The following VEPH1 variants were observed in gnomAD, a reference collection of about 807,000 sequenced individuals.
VEPH1 encodes ventricular zone expressed PH domain containing 1, also known as ventricular zone-expressed PH domain-containing protein homolog 1.
In VEPH1, 80 loss-of-function variants were observed where a neutral mutation model predicts 85.2. That is an observed-to-expected ratio of 0.94 (90% CI 0.78 to 1.13). The LOEUF is 1.13. Among genes scored for constraint, VEPH1 ranks in the 50% most tolerant of loss-of-function variants. VEPH1 has a pLI of 0.00. For synonymous variants in VEPH1, 297 were observed against 348.0 expected (o/e 0.85, Z 1.63); for missense variants, 955 against 980.5 (o/e 0.97, Z 0.35).
intron 9 of VEPH1, among the ~76,000 whole-genome samples, chr3:157,337,698 G>T (rs1458261251): frequency 6.6e-6 from 1 of 152,132 alleles, no homozygotes; most frequent in Non-Finnish European, 1.5e-5. Flanking sequence ...ACCAGGAAAT[G>T]GATTAGAATT....
At chr3:157,302,999 CA>C (rs1719001439) in intron 11 of VEPH1, among the ~76,000 whole-genome samples, 1 of 150,694 alleles carries the variant, frequency 6.6e-6, no homozygotes, top group African/African-American at 2.5e-5. Context: ...AGTGAAATAA[CA>C]AGTATGTAAA....
intron 9 of VEPH1, among the ~76,000 whole-genome samples, chr3:157,329,735 A>T (rs181324594): frequency 6.6e-6 from 1 of 152,142 alleles, no homozygotes; most frequent in East Asian, 1.9e-4. Context: ...CAGAAACTCA[A>T]CCTTCTAGCA....
chr3:157,361,712 A>T (rs79251380), intron 9 of VEPH1, among the ~76,000 whole-genome samples: 1 of 152,224 alleles, frequency 6.6e-6, no homozygotes, highest in African/African-American at 2.4e-5. Context: ...TCAACCCACT[A>T]CTAGAAAAGT....
intron 7 of VEPH1, among the ~76,000 whole-genome samples, chr3:157,370,836 T>A (rs1200041174): frequency 6.6e-6 from 1 of 152,204 alleles, no homozygotes; most frequent in Non-Finnish European, 1.5e-5. Context: ...CTGAACAGAA[T>A]CTTATGGGGA....
At chr3:157,464,080 G>GAA (rs1159586778) in intron 3 of VEPH1, among the ~76,000 whole-genome samples, 1 of 152,184 alleles carries the variant, frequency 6.6e-6, no homozygotes. Context: ...GTGGTGTTTA[G>GAA]AAAAGCTAAT....
At chr3:157,386,502 G>T (rs2108892180) in intron 6 of VEPH1, among the ~76,000 whole-genome samples, 1 of 152,244 alleles carries the variant, frequency 6.6e-6, no homozygotes, top group East Asian at 1.9e-4. Context: ...AGGCAGTGGG[G>T]AAAAGAAAGG....
intron 4 of VEPH1, chr3:157,437,858 CGCGAGCCGACCTGCACGCGGT>C: frequency 6.7e-7 from 1 of 1,498,824 alleles, no homozygotes; most frequent in Non-Finnish European, 8.8e-7. Flanking sequence ...CTGCGGCAGA[CGCGAGCCGACCTGCACGCGGT>C]GCAGGGCTGG....
chr3:157,441,955 G>C (rs2109236041), intron 4 of VEPH1, among the ~76,000 whole-genome samples: 1 of 152,286 alleles, frequency 6.6e-6, no homozygotes, highest in East Asian at 1.9e-4. Context: ...GTGGCAAAAA[G>C]AGAGAACCAG....
intron 9 of VEPH1, among the ~76,000 whole-genome samples, chr3:157,340,564 G>C (rs1337251274): frequency 6.6e-6 from 1 of 152,204 alleles, no homozygotes. Flanking sequence ...AGCTCAAGAA[G>C]GCCTACCTGC....
intron 6 of VEPH1, among the ~76,000 whole-genome samples, chr3:157,398,156 C>T (rs986860129): frequency 6.6e-6 from 1 of 152,144 alleles, no homozygotes; most frequent in Non-Finnish European, 1.5e-5. Flanking sequence ...ACCTGCTCAA[C>T]CCTGATCACG....
At chr3:157,467,629 C>T (rs566787771) in intron 3 of VEPH1, among the ~76,000 whole-genome samples, 35 of 152,312 alleles carry the variant, frequency 2.3e-4, no homozygotes, top group Admixed American at 1.7e-3. Flanking sequence ...GGACAAGATG[C>T]TGAACTTTGC....
At chr3:157,341,356 G>A (rs894052182) in intron 9 of VEPH1, among the ~76,000 whole-genome samples, 1 of 152,178 alleles carries the variant, frequency 6.6e-6, no homozygotes, top group African/African-American at 2.4e-5. Context: ...GAAAACCATG[G>A]CATGAGAACT....
At chr3:157,297,964 A>G (rs1718342109) in intron 11 of VEPH1, among the ~76,000 whole-genome samples, 1 of 152,124 alleles carries the variant, frequency 6.6e-6, no homozygotes, top group South Asian at 2.1e-4. Context: ...GATGATAATG[A>G]GGTACCCAGG....
intron 11 of VEPH1, among the ~76,000 whole-genome samples, chr3:157,288,810 GC>G (rs1490819566): frequency 6.6e-6 from 1 of 152,118 alleles, no homozygotes; most frequent in African/African-American, 2.4e-5. Flanking sequence ...ATACTTTTCC[GC>G]ATCCTCTATT....
At chr3:157,322,583 G>A (rs1257460932) in intron 9 of VEPH1, among the ~76,000 whole-genome samples, 1 of 152,066 alleles carries the variant, frequency 6.6e-6, no homozygotes, top group Non-Finnish European at 1.5e-5. Flanking sequence ...ATTTACTAAT[G>A]GCCTACAGAG....
At chr3:157,465,980 G>A (rs999116466) in intron 3 of VEPH1, among the ~76,000 whole-genome samples, 12 of 152,204 alleles carry the variant, frequency 7.9e-5, no homozygotes, top group African/African-American at 2.9e-4. Flanking sequence ...GGAAGAGGCT[G>A]TGACTGCAGT....
rs1334561578 is a variant in VEPH1, at chr3:157,272,379, C to CT, written c.2129-6718dup. On this transcript the variant is annotated intron_variant, in intron 12 of 13. Transcript: ENST00000362010. Reference sequence around the variant, plus strand: ...CTCTTTCTTTCTTTCTCTTTCTTTTCTTTCTTTCTTTCTTTCTTTCTTTCT... The same window carrying CT: ...CTCTTTCTTTCTTTCTCTTTCTTTTCTTTTCTTTCTTTCTTTCTTTCTTTCT... Among the ~76,000 whole-genome samples the CT allele has an allele frequency of 2.1e-3, 98 of 47,240 alleles. 1 individual carries two copies. Among genetic ancestry groups the CT allele is most frequent in the African/African-American group, 8.5e-3 (92 of 10,784 alleles). The allele number at this position is 47,240 out of a possible 152,430, so 31.0% of individuals were successfully genotyped here. A position where few individuals can be genotyped will look rare whatever the true frequency, so the allele number is the denominator to read the frequency against.
In VEPH1 at chr3:157,318,649, A is replaced by AC. The variant is rs367707675; in HGVS notation, c.1736-1449_1736-1448insG. Among the ~76,000 whole-genome samples, 13 of 148,864 alleles carry AC rather than the reference A, an allele frequency of 8.7e-5. No individual in the cohort carries two copies. In the Admixed American group the frequency reaches 8.8e-4, roughly 10 times the overall value. On this transcript the variant is annotated intron_variant, in intron 9 of 13. Transcript: ENST00000362010. ...CAAAAAAAAAAAGAAAGAAAGAAAGAAAGAATGAAAGAAAAGGAAAGAAAG... is the reference window on the plus strand; with the variant it reads ...CAAAAAAAAAAAGAAAGAAAGAAAGACAAGAATGAAAGAAAAGGAAAGAAAG...
intron 10 of VEPH1, among the ~76,000 whole-genome samples, chr3:157,314,605 T>C (rs1182211976): frequency 1.3e-5 from 2 of 151,986 alleles, no homozygotes; most frequent in Non-Finnish European, 2.9e-5. Context: ...AAAATTCAAA[T>C]AGAGTACAAA....
Sources: allele counts gnomAD v4.1 joint callset (sites outside exome capture counted in the v4.1 genomes callset), GRCh38; gene constraint gnomAD v4.1.1; transcripts MANE v1.5; gene names NCBI Gene and HGNC (gene_info 2026-07-23, HGNC 2026-07-21).